IPO9: variants seen among roughly 807,000 people sequenced by gnomAD.
IPO9 encodes importin-9.
A neutral mutation model predicts 128.6 loss-of-function variants in IPO9; 28 were observed. The observed-to-expected ratio is 0.22, with a 90% CI of 0.16 to 0.30. The LOEUF is 0.30. Ranked by LOEUF, IPO9 falls within the 10% of genes least tolerant of loss-of-function variation. The pLI is 1.00. For missense variants in IPO9, 935 were observed against 1,293.9 expected (o/e 0.72, Z 4.26); for synonymous variants, 455 against 475.8 (o/e 0.96, Z 0.57).
intron 14 of IPO9, among the ~76,000 whole-genome samples, chr1:201,866,018 A>G (rs1205748772): frequency 2.6e-5 from 4 of 152,218 alleles, no homozygotes; most frequent in Non-Finnish European, 4.4e-5. Context: ...CTTAAATGCC[A>G]TGCTGAAAGA....
Position 201,864,905 on chromosome 1 carries a change from G to A in IPO9, c.1628+1298G>A, listed in dbSNP as rs140425836. Among the ~76,000 whole-genome samples, 20 of 152,344 alleles carry A rather than the reference G, an allele frequency of 1.3e-4. 2 individuals are homozygous for A. The highest frequency in any genetic ancestry group is 4.8e-4 in the African/African-American group (20 of 41,574). On this transcript the variant is annotated intron_variant, in intron 14 of 23. Coordinates refer to ENST00000361565, the MANE Select transcript of IPO9 (RefSeq NM_018085.5). ...TCATATCTCTTGGACCACATGGGTA[G>A]TGGTTTAATAGTTTTCTTGAGAGAT...
chr1:201,838,720 C>T (rs1401280535), intron 1 of IPO9, among the ~76,000 whole-genome samples: 1 of 151,654 alleles, frequency 6.6e-6, no homozygotes, highest in Non-Finnish European at 1.5e-5. Context: ...TCAAAAACTG[C>T]AGCTTAAAGG....
At chr1:201,868,845 T>G (rs773653695) in intron 16 of IPO9, 49 bp downstream of exon 16, 1 of 1,535,308 alleles carries the variant, frequency 6.5e-7, no homozygotes, top group African/African-American at 1.4e-5. Context: ...GATCTACAAG[T>G]GCCACCCACA....
At chr1:201,850,467 C>T (rs1405065496) in intron 4 of IPO9, 1 of 152,156 alleles carries the variant, frequency 6.6e-6, no homozygotes, top group East Asian at 1.9e-4. Context: ...AACTAAGGCT[C>T]ATGGTGTAAA....
intron 1 of IPO9, among the ~76,000 whole-genome samples, chr1:201,844,966 T>C (rs1558217320): frequency 1.3e-5 from 2 of 151,226 alleles, no homozygotes; most frequent in African/African-American, 4.8e-5. Context: ...TTTACATATA[T>C]TATATTATTC....
intron 14 of IPO9, 59 bp from the exon 15 acceptor site, chr1:201,866,674 T>C (rs1366708707): frequency 3.1e-6 from 4 of 1,305,702 alleles, no homozygotes; most frequent in Non-Finnish European, 4.4e-6. Context: ...GTGAGATTGA[T>C]TGGGAAAACC....
Position 201,876,356 on chromosome 1 carries a change from CATT to C in IPO9, c.*306_*308del, listed in dbSNP as rs1349191918. The C allele has an allele frequency of 1.7e-5, 8 of 484,148 alleles. No homozygotes were observed. The Middle Eastern group carries it at 1.8e-3, about 108-fold the overall frequency. The allele number at this position is 484,148 out of a possible 1,614,324, so 30.0% of individuals were successfully genotyped here. Reference sequence around the variant, plus strand: ...AGCCCTCTGCTGGCGAGTCCAGAAACATTATTGCCCAGAAGGATTATGTGTTTA... The same window carrying C: ...AGCCCTCTGCTGGCGAGTCCAGAAACATTGCCCAGAAGGATTATGTGTTTA... On this transcript the variant is annotated 3_prime_UTR_variant, in exon 24 of 24. Coordinates refer to ENST00000361565, the MANE Select transcript of IPO9 (RefSeq NM_018085.5).
intron 10 of IPO9, 106 bp from the exon 11 acceptor site, chr1:201,856,990 G>A: frequency 1.2e-6 from 1 of 801,314 alleles, no homozygotes; most frequent in Non-Finnish European, 2.2e-6. Context: ...TCCAGCAAAA[G>A]GCTAGAGTTT....
In IPO9 at chr1:201,859,004, A is replaced by G. The variant is rs781707283; in HGVS notation, c.1468+10A>G. On this transcript the variant is annotated intron_variant, in intron 13 of 23. Coordinates refer to ENST00000361565, the MANE Select transcript of IPO9 (RefSeq NM_018085.5). ...GACCTCAACCTCTCAGGTATGTTTC[A>G]GCACGTGCCAGGATTCTAGAAACTC... The G allele has an allele frequency of 8.1e-6, 13 of 1,595,304 alleles. No individual in the cohort carries two copies. The highest frequency in any genetic ancestry group is 2.7e-5 in the African/African-American group (2 of 74,540).
chr1:201,831,508 C>T (rs1158371778), intron 1 of IPO9, among the ~76,000 whole-genome samples: 4 of 152,144 alleles, frequency 2.6e-5, no homozygotes, highest in Non-Finnish European at 5.9e-5. Flanking sequence ...AGATTTACCC[C>T]CTTCTGTACC....
chr1:201,829,540 A>G (rs1679789550), intron 1 of IPO9, 168 bp downstream of exon 1: 4 of 369,894 alleles, frequency 1.1e-5, no homozygotes, highest in East Asian at 2.5e-4. Flanking sequence ...AAAGTCCGAG[A>G]GAGGAGAGGC....
At chr1:201,869,328 C>T (rs533371326) in intron 16 of IPO9, among the ~76,000 whole-genome samples, 3 of 152,330 alleles carry the variant, frequency 2.0e-5, no homozygotes, top group African/African-American at 7.2e-5. Flanking sequence ...CACCTTTACA[C>T]AGTGCCACTA....
chr1:201,862,267 G>A (rs766276929), intron 13 of IPO9, among the ~76,000 whole-genome samples: 1 of 152,152 alleles, frequency 6.6e-6, no homozygotes. Flanking sequence ...AGACCAGCCT[G>A]GCCAACATGG....
At chr1:201,855,674 G>A (rs1571547555) in intron 9 of IPO9, 109 bp from the exon 10 acceptor site, 2 of 969,570 alleles carry the variant, frequency 2.1e-6, no homozygotes, top group Non-Finnish European at 3.0e-6. Context: ...TCATTAGCAA[G>A]TACTTTAAAT....
Position 201,847,631 on chromosome 1 carries a change from C to T in IPO9, c.305C>T (p.Thr102Ile). Residue 102 changes from threonine (T) to isoleucine (I), a missense_variant, in exon 3 of 24, where the codon ACA becomes ATA. Thr to Ile is a moderately conservative substitution (Grantham distance 89). Transcript: ENST00000361565. ...GAGAAATTTAGGCCTCCTGAAACTA[C>T]AGAAAGGGTAAGTCAGTTACTTGAT... is the stretch of plus-strand genomic sequence containing the variant. Reference protein sequence around the residue: ...QSEKFRPPETTERAKIVIREL... With the variant: ...QSEKFRPPETIERAKIVIREL... The T allele has an allele frequency of 6.2e-7, 1 of 1,610,238 alleles. No individual in the cohort carries two copies. Among genetic ancestry groups the T allele is most frequent in the South Asian group, 1.1e-5 (1 of 91,004 alleles).
rs114659392 is a variant in IPO9, at chr1:201,852,088, A to G, written c.515-16A>G. The stretch of plus-strand genomic sequence containing the variant: ...GCAGTATTTTTTTTTTAACAGTACT[A>G]CTTTTTTCTTTGTAGAATTCACTCG... On this transcript the variant is annotated splice_polypyrimidine_tract_variant and intron_variant, in intron 4 of 23. Coordinates refer to ENST00000361565, the MANE Select transcript of IPO9 (RefSeq NM_018085.5). The G allele has an allele frequency of 0.011, 16,262 of 1,534,368 alleles. 114 individuals carry two copies. Among genetic ancestry groups the G allele is most frequent in the Non-Finnish European group, 0.012 (13,785 of 1,109,916 alleles).
chr1:201,842,182 C>T (rs768132942), intron 1 of IPO9, among the ~76,000 whole-genome samples: 46 of 152,154 alleles, frequency 3.0e-4, no homozygotes, highest in Non-Finnish European at 5.7e-4. Context: ...CCAGGACTCC[C>T]CTCTTTGGGT....
At chr1:201,869,276 C>G (rs1276816745) in intron 16 of IPO9, among the ~76,000 whole-genome samples, 2 of 152,104 alleles carry the variant, frequency 1.3e-5, no homozygotes, top group South Asian at 4.1e-4. Flanking sequence ...GAAAATGGCT[C>G]TTCTTGTTCC....
chr1:201,846,508 ATT>A (rs1208225914), intron 1 of IPO9, among the ~76,000 whole-genome samples: 1 of 151,958 alleles, frequency 6.6e-6, no homozygotes, highest in Non-Finnish European at 1.5e-5. Context: ...AGTAGCTGGG[ATT>A]ACAGGTGCCC....
Sources: gnomAD v4.1 joint callset for allele counts (sites outside exome capture counted in the v4.1 genomes callset) on GRCh38, gnomAD v4.1.1 for gene constraint, MANE v1.5 for transcripts, NCBI Gene and HGNC (gene_info 2026-07-23, HGNC 2026-07-21) for gene names.